The following CPVL variants were observed in gnomAD, a reference collection of about 807,000 sequenced individuals.
The protein encoded by CPVL is probable serine carboxypeptidase CPVL.
Under a neutral mutation model 63.7 loss-of-function variants are expected in CPVL, and 51 were observed. The ratio of observed to expected loss-of-function variants is 0.80; its 90% CI spans 0.64 to 1.01. The LOEUF (loss-of-function observed/expected upper bound fraction) is 1.01, where lower values mean the gene tolerates loss of function less well. Ranked by LOEUF, CPVL falls within the 50% of genes least tolerant of loss-of-function variation. The pLI is 0.00. For synonymous variants in CPVL, 195 were observed against 206.0 expected, an observed-to-expected ratio of 0.95 and a Z score of 0.46; for missense variants, 530 against 573.1, an observed-to-expected ratio of 0.92 and a Z score of 0.77.
At chr7:29,089,999 A>C (rs1313213565) in intron 6 of CPVL, among the ~76,000 whole-genome samples, 1 of 151,960 alleles carries the variant, frequency 6.6e-6, no homozygotes, top group Non-Finnish European at 1.5e-5. Flanking sequence ...AGTAGCTGGG[A>C]TTACAGGCAT....
chr7:29,129,718 C>T (rs1026641000), intron 1 of CPVL, among the ~76,000 whole-genome samples: 2 of 152,096 alleles, frequency 1.3e-5, no homozygotes, highest in African/African-American at 2.4e-5. Context: ...CTGCCCACCT[C>T]GGCTTCCCAA....
At chr7:29,117,710 T>G (rs1788915285) in intron 2 of CPVL, among the ~76,000 whole-genome samples, 1 of 152,208 alleles carries the variant, frequency 6.6e-6, no homozygotes, top group East Asian at 1.9e-4. Flanking sequence ...TGTTCTCATT[T>G]GTAAAATGGG....
intron 11 of CPVL, among the ~76,000 whole-genome samples, chr7:29,060,308 G>A (rs1473056722): frequency 6.6e-6 from 1 of 152,184 alleles, no homozygotes; most frequent in Non-Finnish European, 1.5e-5. Flanking sequence ...CCAAAGCGCA[G>A]AGAGTTTAAG....
intron 1 of CPVL, among the ~76,000 whole-genome samples, chr7:29,136,193 G>A (rs1791207742): frequency 6.6e-6 from 1 of 152,198 alleles, no homozygotes; most frequent in Non-Finnish European, 1.5e-5. Context: ...TACCGCATGA[G>A]TTTTTGTAAA....
chr7:29,083,009 C>A (rs1784883474), intron 7 of CPVL, among the ~76,000 whole-genome samples: 1 of 152,132 alleles, frequency 6.6e-6, no homozygotes, highest in African/African-American at 2.4e-5. Context: ...TAACCTGGCT[C>A]TGAAATTGGT....
intron 12 of CPVL, among the ~76,000 whole-genome samples, chr7:29,000,733 A>G (rs1784549742): frequency 6.6e-6 from 1 of 152,180 alleles, no homozygotes; most frequent in Non-Finnish European, 1.5e-5. Context: ...TACCACTTTA[A>G]CCATTTTAAA....
At chr7:29,147,138 T>C, upstream of CPVL, 1 of 821,176 alleles carries the variant, frequency 1.2e-6, no homozygotes, top group Non-Finnish European at 1.9e-6. Flanking sequence ...GACCTGAGTG[T>C]ATATTATTAG....
chr7:29,030,341 T>G (rs1454506004), intron 12 of CPVL, among the ~76,000 whole-genome samples: 1 of 152,250 alleles, frequency 6.6e-6, no homozygotes, highest in Non-Finnish European at 1.5e-5. Flanking sequence ...GTCTTTTTAA[T>G]GAATTGTCTC....
At chr7:29,110,355 A>G (rs114286808) in intron 3 of CPVL, among the ~76,000 whole-genome samples, 59 of 152,246 alleles carry the variant, frequency 3.9e-4, no homozygotes, top group African/African-American at 1.3e-3. Flanking sequence ...AACCCTCAAC[A>G]TGGGAAACAC....
At chr7:29,017,133 G>A (rs1786490630) in intron 12 of CPVL, among the ~76,000 whole-genome samples, 1 of 152,122 alleles carries the variant, frequency 6.6e-6, no homozygotes, top group Non-Finnish European at 1.5e-5. Flanking sequence ...CACTCTCCAA[G>A]CTGCAGGCTA....
At chr7:29,043,503 T>C (rs1050352004) in intron 11 of CPVL, among the ~76,000 whole-genome samples, 4 of 152,160 alleles carry the variant, frequency 2.6e-5, no homozygotes, top group African/African-American at 9.7e-5. Context: ...TGCAAATCAC[T>C]GTAACAAATA....
At chr7:29,190,773 G>A (rs1219800407) in intron 1 of CPVL, among the ~76,000 whole-genome samples, 1 of 152,134 alleles carries the variant, frequency 6.6e-6, no homozygotes, top group East Asian at 1.9e-4. Flanking sequence ...AGCTACTAAC[G>A]TGGAAAGGAA....
upstream of CPVL, among the ~76,000 whole-genome samples, chr7:29,150,357 C>G (rs1793421129): frequency 6.6e-6 from 1 of 152,122 alleles, no homozygotes; most frequent in African/African-American, 2.4e-5. Context: ...TATAAAGGCT[C>G]AAAAAATGGC....
chr7:29,103,248 G>T (rs58609675), intron 3 of CPVL, among the ~76,000 whole-genome samples: 34 of 96,180 alleles, frequency 3.5e-4, no homozygotes, highest in South Asian at 8.1e-4. Context: ...TTGTTGTTTT[G>T]TTTTTTTTTT....
At chr7:29,187,041 T>C (rs1798799810) in intron 1 of CPVL, among the ~76,000 whole-genome samples, 1 of 152,132 alleles carries the variant, frequency 6.6e-6, no homozygotes, top group Non-Finnish European at 1.5e-5. Flanking sequence ...GTATACAAAG[T>C]GTTTAGCATG....
At chr7:29,042,119 G>A (rs1162554721) in intron 11 of CPVL, among the ~76,000 whole-genome samples, 1 of 152,068 alleles carries the variant, frequency 6.6e-6, no homozygotes, top group East Asian at 1.9e-4. Context: ...CGGAGGAGCG[G>A]TCTGCGGTTC....
Position 29,088,250 on chromosome 7 carries a change from G to A in CPVL, c.543-1700C>T, listed in dbSNP as rs75898788. ...ATAAGTATGTCCCAAATATTGCATG[G>A]AATATACTTACATTAAAATTTTATT... On this transcript the variant is annotated intron_variant, in intron 6 of 12. Coordinates refer to ENST00000265394, the MANE Select transcript of CPVL (RefSeq NM_031311.5). Among the ~76,000 whole-genome samples, 659 of 152,258 alleles carry A rather than the reference G, an allele frequency of 4.3e-3. 1 individual carries two copies. The highest frequency in any genetic ancestry group is 0.015 in the African/African-American group (620 of 41,544).
intron 9 of CPVL, among the ~76,000 whole-genome samples, chr7:29,069,066 CATT>C (rs1205001802): frequency 6.6e-6 from 1 of 151,974 alleles, no homozygotes; most frequent in Non-Finnish European, 1.5e-5. Context: ...TTTTGGAACT[CATT>C]GTTAGAAATT....
At chr7:29,047,324 T>C (rs1789720140) in intron 11 of CPVL, among the ~76,000 whole-genome samples, 1 of 151,998 alleles carries the variant, frequency 6.6e-6, no homozygotes, top group Non-Finnish European at 1.5e-5. Context: ...TCAAGGGAAA[T>C]AGATTGCATA....
Sources: gnomAD v4.1 joint callset for allele counts (sites outside exome capture counted in the v4.1 genomes callset) on GRCh38, gnomAD v4.1.1 for gene constraint, MANE v1.5 for transcripts, NCBI Gene and HGNC (gene_info 2026-07-23, HGNC 2026-07-21) for gene names.